Variants in FRAS1 observed in about 807,000 individuals in gnomAD.
The protein encoded by FRAS1 is extracellular matrix organizing protein FRAS1.
A neutral mutation model predicts 435.2 loss-of-function variants in FRAS1; 290 were observed. The ratio of observed to expected loss-of-function variants is 0.67; its 90% confidence interval spans 0.61 to 0.73. The LOEUF is 0.73. Ranked by LOEUF, FRAS1 falls within the 30% of genes least tolerant of loss-of-function variation. FRAS1 has a pLI of 0.00. For synonymous variants in FRAS1, 1,800 were observed against 1,851.0 expected (o/e 0.97, Z 0.71); for missense variants, 4,860 against 5,001.5 (o/e 0.97, Z 0.85).
chr4:78,282,864 C>A lies in FRAS1; in HGVS notation c.1152C>A (p.Cys384Ter). 1 of 1,612,962 alleles carries A rather than the reference C, an allele frequency of 6.2e-7. No homozygotes were observed. Among genetic ancestry groups the A allele is most frequent in the Non-Finnish European group, 8.5e-7 (1 of 1,179,636 alleles). The change falls in exon 12 of 74, where the codon TGC becomes TGA. Residue 384 changes from cysteine to a stop codon, truncating the protein, a stop_gained. Transcript: ENST00000512123. LOFTEE classifies it high-confidence loss of function. ...ATGGCCCTTGCAAGGTGTGTGAGTG[C>A]CGAGGGGCTCAGGTAACTTGCTACG... ...WEDGPCKVCE[C>*]RGAQVTCYEP...
intron 2 of FRAS1, among the ~76,000 whole-genome samples, chr4:78,179,774 A>T (rs887511519): frequency 1.3e-5 from 2 of 152,196 alleles, no homozygotes; most frequent in Non-Finnish European, 2.9e-5. Context: ...GAGACAAATG[A>T]ATATGACTGT....
At chr4:78,510,877 CCT>C (rs1721014625) in intron 63 of FRAS1, among the ~76,000 whole-genome samples, 1 of 152,184 alleles carries the variant, frequency 6.6e-6, no homozygotes, top group Non-Finnish European at 1.5e-5. Context: ...AAGCATATTT[CCT>C]CTGTCTCCTG....
chr4:78,195,160 T>C (rs1033238971), intron 2 of FRAS1, among the ~76,000 whole-genome samples: 2 of 152,156 alleles, frequency 1.3e-5, no homozygotes, highest in Admixed American at 1.3e-4. Context: ...TACCCGGCCG[T>C]GTGAGGTGTC....
intron 58 of FRAS1, among the ~76,000 whole-genome samples, chr4:78,487,834 TG>T (rs1464245319): frequency 6.6e-6 from 1 of 152,218 alleles, no homozygotes; most frequent in East Asian, 1.9e-4. Context: ...TCCCAAAGTT[TG>T]GAAAGTCTAA....
intron 50 of FRAS1, among the ~76,000 whole-genome samples, chr4:78,468,981 G>A (rs148620151): frequency 2.0e-5 from 3 of 152,324 alleles, no homozygotes; most frequent in African/African-American, 7.2e-5. Context: ...TAGCTGGTAT[G>A]TCGGTGGGAT....
At chr4:78,412,542 C>T (rs1459127882) in intron 31 of FRAS1, among the ~76,000 whole-genome samples, 1 of 152,130 alleles carries the variant, frequency 6.6e-6, no homozygotes, top group African/African-American at 2.4e-5. Context: ...ATTACATACT[C>T]ATAATAAGAC....
chr4:78,184,857 A>C (rs895351747), intron 2 of FRAS1, among the ~76,000 whole-genome samples: 1 of 152,248 alleles, frequency 6.6e-6, no homozygotes, highest in Non-Finnish European at 1.5e-5. Flanking sequence ...ATCTCACAGC[A>C]GCATCTAGAT....
chr4:78,439,655 T>G (rs114091807), intron 40 of FRAS1, among the ~76,000 whole-genome samples: 4 of 152,210 alleles, frequency 2.6e-5, no homozygotes, highest in Admixed American at 2.0e-4. Context: ...TTTAATTCTC[T>G]TATTTATTTT....
chr4:78,419,305 C>A (rs1711918046), intron 33 of FRAS1, among the ~76,000 whole-genome samples: 1 of 152,192 alleles, frequency 6.6e-6, no homozygotes, highest in Non-Finnish European at 1.5e-5. Flanking sequence ...GCATAGCATG[C>A]TGGATGGAGA....
intron 2 of FRAS1, among the ~76,000 whole-genome samples, chr4:78,151,220 G>T (rs181736105): frequency 6.6e-6 from 1 of 152,250 alleles, no homozygotes; most frequent in East Asian, 1.9e-4. Context: ...GTCAAAGCTG[G>T]AGCCAACTTT....
chr4:78,391,771 A>G (rs1286469010), intron 29 of FRAS1, among the ~76,000 whole-genome samples: 2 of 152,174 alleles, frequency 1.3e-5, no homozygotes, highest in East Asian at 3.9e-4. Context: ...GTTTATCTGT[A>G]GTAAGGCCTG....
Position 78,413,221 on chromosome 4 carries a change from G to C in FRAS1, c.4425+136G>C, listed in dbSNP as rs927749700. 9.7e-6 allele frequency: 5 copies of C among 513,462 alleles called. No individual in the cohort carries two copies. The African/African-American group carries it at 1.0e-4, about 10-fold the overall frequency. The allele number at this position is 513,462 out of a possible 1,614,324, so 31.8% of individuals were successfully genotyped here. Reference sequence around the variant, plus strand: ...ACAGACTTGGGGGCCAAAAAGCCTAGTGGTCACATTTCTCATTGACTTGAA... The same window carrying C: ...ACAGACTTGGGGGCCAAAAAGCCTACTGGTCACATTTCTCATTGACTTGAA... On this transcript the variant is annotated intron_variant, in intron 32 of 73. Transcript: ENST00000512123.
intron 12 of FRAS1, among the ~76,000 whole-genome samples, chr4:78,284,161 TG>T (rs1727462874): frequency 6.6e-6 from 1 of 150,546 alleles, no homozygotes; most frequent in Non-Finnish European, 1.5e-5. Flanking sequence ...ATCTTCATGC[TG>T]GGGCTATGGG....
intron 2 of FRAS1, among the ~76,000 whole-genome samples, chr4:78,120,989 C>T (rs1718983581): frequency 6.6e-6 from 1 of 152,110 alleles, no homozygotes; most frequent in Non-Finnish European, 1.5e-5. Flanking sequence ...AGGAAGAGAT[C>T]AAGGCAGAGA....
At chr4:78,245,599 T>G (rs907770470) in intron 4 of FRAS1, among the ~76,000 whole-genome samples, 1 of 152,190 alleles carries the variant, frequency 6.6e-6, no homozygotes, top group Non-Finnish European at 1.5e-5. Context: ...CTCCCTCCTT[T>G]TATGTACTAC....
At chr4:78,222,742 A>G (rs1016096036) in intron 2 of FRAS1, among the ~76,000 whole-genome samples, 1 of 152,218 alleles carries the variant, frequency 6.6e-6, no homozygotes, top group African/African-American at 2.4e-5. Flanking sequence ...AGTCCCTTTC[A>G]TCTTATCATT....
intron 32 of FRAS1, among the ~76,000 whole-genome samples, chr4:78,413,922 C>T (rs1326682933): frequency 1.3e-5 from 2 of 152,148 alleles, no homozygotes; most frequent in African/African-American, 2.4e-5. Context: ...GCCAAAACCC[C>T]TCTTCCAGAC....
At chr4:78,307,597 G>C (rs1166277464) in intron 14 of FRAS1, among the ~76,000 whole-genome samples, 1 of 152,220 alleles carries the variant, frequency 6.6e-6, no homozygotes, top group African/African-American at 2.4e-5. Flanking sequence ...CGCAGTATTC[G>C]GGTGGGAGTG....
At chr4:78,538,987 G>A (rs913675683) in intron 72 of FRAS1, among the ~76,000 whole-genome samples, 1 of 149,812 alleles carries the variant, frequency 6.7e-6, no homozygotes, top group Non-Finnish European at 1.5e-5. Flanking sequence ...GATCTCATGA[G>A]AACCCACTCA....
Sources: gnomAD v4.1 joint callset for allele counts (sites outside exome capture counted in the v4.1 genomes callset) on GRCh38, gnomAD v4.1.1 for gene constraint, MANE v1.5 for transcripts, NCBI Gene and HGNC (gene_info 2026-07-23, HGNC 2026-07-21) for gene names.